Variants in GPATCH2 observed in about 807,000 individuals in gnomAD.
GPATCH2 encodes G patch domain-containing protein 2.
Under a neutral mutation model 58.0 loss-of-function variants are expected in GPATCH2, and 51 were observed. The ratio of observed to expected loss-of-function variants is 0.88; its 90% confidence interval spans 0.70 to 1.11. The LOEUF is 1.11. GPATCH2 is among the 50% of genes most tolerant of loss of function. The pLI is 0.00. For missense variants in GPATCH2, 625 were observed against 652.2 expected (o/e 0.96, Z 0.45); for synonymous variants, 222 against 218.5 (o/e 1.02, Z -0.14).
intron 9 of GPATCH2, among the ~76,000 whole-genome samples, chr1:217,433,394 T>A (rs1011116774): frequency 0.067 from 3,752 of 56,070 alleles, 106 homozygotes; most frequent in Middle Eastern, 0.2. Flanking sequence ...ATTTATTTAT[T>A]TATTTATTTA....
intron 5 of GPATCH2, among the ~76,000 whole-genome samples, chr1:217,532,027 T>C (rs1280828335): frequency 6.6e-6 from 1 of 152,192 alleles, no homozygotes; most frequent in Non-Finnish European, 1.5e-5. Context: ...ATACTGTCTA[T>C]CATAGTCAGT....
chr1:217,548,143 A>C lies in GPATCH2; in HGVS notation c.1099-33254T>G, dbSNP rs573329747. Among the ~76,000 whole-genome samples the C allele has an allele frequency of 2.8e-4, 42 of 152,302 alleles. No individual in the cohort carries two copies. The East Asian group carries it at 8.1e-3, about 29-fold the overall frequency. ...TTTATACCAGTGTGAAAACGGACTA[A>C]TACGCTAATATAGGAACAGAAAACC... On this transcript the variant is annotated intron_variant, in intron 5 of 9. Coordinates refer to ENST00000366935, the MANE Select transcript of GPATCH2 (RefSeq NM_018040.5).
At chr1:217,558,544 C>G (rs574803008) in intron 5 of GPATCH2, among the ~76,000 whole-genome samples, 28 of 152,280 alleles carry the variant, frequency 1.8e-4, no homozygotes, top group Non-Finnish European at 3.1e-4. Flanking sequence ...ATCCTGCCAG[C>G]CAATCCCTAT....
intron 5 of GPATCH2, among the ~76,000 whole-genome samples, chr1:217,532,491 T>C (rs965143109): frequency 6.6e-6 from 1 of 152,126 alleles, no homozygotes; most frequent in Non-Finnish European, 1.5e-5. Flanking sequence ...AGGAGATGTA[T>C]TGGTGAACAA....
At chr1:217,575,339 C>G (rs180800389) in intron 5 of GPATCH2, among the ~76,000 whole-genome samples, 71 of 152,204 alleles carry the variant, frequency 4.7e-4, no homozygotes, top group Admixed American at 1.9e-3. Flanking sequence ...GTTAAAAATC[C>G]TCTTAAGATT....
In GPATCH2 at chr1:217,429,587, G is replaced by C. The variant is rs1297524651; in HGVS notation, c.*1558C>G. The C allele has an allele frequency of 6.6e-6, 1 of 152,168 alleles. No individual in the cohort carries two copies. Among genetic ancestry groups the C allele is most frequent in the East Asian group, 1.9e-4 (1 of 5,176 alleles). 9.4% of individuals were successfully genotyped at this position (152,168 alleles called of 1,614,324 possible). A position where few individuals can be genotyped will look rare whatever the true frequency, so the allele number is the denominator to read the frequency against. ...TCATGCCTGTAATCCCAGCTCTTTG[G>C]GAGGCCAAGGTGGGCGGATCACTTG... On this transcript the variant is annotated 3_prime_UTR_variant, in exon 10 of 10. Coordinates refer to ENST00000366935, the MANE Select transcript of GPATCH2 (RefSeq NM_018040.5).
rs1056890626 is a variant in GPATCH2, at chr1:217,610,378, G to C, written c.1041C>G (p.Arg347=). The C allele has an allele frequency of 6.2e-7, 1 of 1,603,748 alleles. No homozygotes were observed. The highest frequency in any genetic ancestry group is 8.5e-7 in the Non-Finnish European group (1 of 1,171,520). ...TATTCTTTGAAGACATTCCATGAAG[G>C]CGACTGAGTCTAGCTTGGAAACCTG... ...SRRGFQARLS[R]LHGMSSKNIK... is the part of the protein sequence containing the mutation. Residue 347 remains arginine (R), a synonymous_variant, in exon 5 of 10, where the codon CGC becomes CGG. Coordinates refer to ENST00000366935, the MANE Select transcript of GPATCH2 (RefSeq NM_018040.5).
chr1:217,564,020 C>T (rs892107663), intron 5 of GPATCH2, among the ~76,000 whole-genome samples: 2 of 128,740 alleles, frequency 1.6e-5, no homozygotes, highest in Admixed American at 8.8e-5. Context: ...CTCCAGCCTG[C>T]GCAACAACAG....
Position 217,620,365 on chromosome 1 carries a change from T to C in GPATCH2, c.191A>G (p.Gln64Arg). 6.2e-7 allele frequency: 1 copy of C among 1,614,088 alleles called. No homozygotes were observed. Among genetic ancestry groups the C allele is most frequent in the Non-Finnish European group, 8.5e-7 (1 of 1,179,974 alleles). The change falls in exon 2 of 10, where the codon CAG becomes CGG. Residue 64 changes from glutamine to arginine, a missense_variant. By Grantham distance (43) the Gln-to-Arg change is conservative. Transcript: ENST00000366935. ...TTTTCTCCCTCTCCTTTTCCTTGCCTGGCGTTTCAGAGGGCAAGATATACT... is the reference window on the plus strand; with the variant it reads ...TTTTCTCCCTCTCCTTTTCCTTGCCCGGCGTTTCAGAGGGCAAGATATACT... ...SRSISCPLKRQARKRRGRKRR... is the reference protein window; with the variant it reads ...SRSISCPLKRRARKRRGRKRR...
chr1:217,583,862 T>C (rs968082139), intron 5 of GPATCH2, among the ~76,000 whole-genome samples: 5 of 152,124 alleles, frequency 3.3e-5, no homozygotes, highest in African/African-American at 1.2e-4. Context: ...TGCCAGAAGA[T>C]AGTACAAGAG....
chr1:217,453,215 A>C (rs1048675936), intron 8 of GPATCH2, among the ~76,000 whole-genome samples: 15 of 152,334 alleles, frequency 9.8e-5, no homozygotes, highest in Admixed American at 9.8e-4. Context: ...TTTCTTCTGC[A>C]GTGTTTTGAG....
chr1:217,616,232 T>TAAACTATGCACA (rs1668879956), intron 2 of GPATCH2, among the ~76,000 whole-genome samples: 1 of 152,130 alleles, frequency 6.6e-6, no homozygotes, highest in Non-Finnish European at 1.5e-5. Flanking sequence ...AAGTAGTTGA[T>TAAACTATGCACA]AAACTATGCA....
At chr1:217,588,950 G>A (rs988951684) in intron 5 of GPATCH2, among the ~76,000 whole-genome samples, 4 of 152,092 alleles carry the variant, frequency 2.6e-5, no homozygotes, top group Non-Finnish European at 5.9e-5. Flanking sequence ...ATCTGCTTAC[G>A]TGAACTAGGC....
chr1:217,625,188 C>A (rs908993160), intron 1 of GPATCH2, among the ~76,000 whole-genome samples: 1 of 152,102 alleles, frequency 6.6e-6, no homozygotes, highest in Admixed American at 6.6e-5. Context: ...TCCTTGGGTT[C>A]CTGATCTATT....
intron 8 of GPATCH2, among the ~76,000 whole-genome samples, chr1:217,484,493 C>G (rs1481607318): frequency 6.6e-6 from 1 of 150,568 alleles, no homozygotes; most frequent in Non-Finnish European, 1.5e-5. Flanking sequence ...GATCTTGGGA[C>G]TTCTCTGTCT....
rs149468769 is a variant in GPATCH2 at position 217,499,638 on chromosome 1, T to C, written c.1167-1243A>G. ...GGGAATGTACATTTATTGGTATTAG[T>C]AAATAACACCTGGATTAATTACCAA... On this transcript the variant is annotated intron_variant, in intron 6 of 9. Transcript: ENST00000366935. Among the ~76,000 whole-genome samples the C allele has an allele frequency of 2.8e-4, 43 of 152,234 alleles. No individual in the cohort carries two copies. In the East Asian group the frequency reaches 7.3e-3, roughly 26 times the overall value.
chr1:217,439,007 T>C (rs1658995645), intron 9 of GPATCH2, among the ~76,000 whole-genome samples: 1 of 152,186 alleles, frequency 6.6e-6, no homozygotes, highest in South Asian at 2.1e-4. Flanking sequence ...AACTCAGCTC[T>C]GGTCCAAGCA....
At chr1:217,507,220 G>A (rs1320980276) in intron 6 of GPATCH2, among the ~76,000 whole-genome samples, 1 of 152,154 alleles carries the variant, frequency 6.6e-6, no homozygotes, top group East Asian at 1.9e-4. Flanking sequence ...GAAGGTAAAA[G>A]AATGAGAACA....
intron 5 of GPATCH2, among the ~76,000 whole-genome samples, chr1:217,565,125 T>G (rs1334813050): frequency 2.0e-5 from 3 of 152,184 alleles, no homozygotes; most frequent in Non-Finnish European, 1.5e-5. Context: ...ATTTATTATT[T>G]GAGATTTTAG....
Sources: allele counts gnomAD v4.1 joint callset (sites outside exome capture counted in the v4.1 genomes callset), GRCh38; gene constraint gnomAD v4.1.1; transcripts MANE v1.5; gene names NCBI Gene and HGNC (gene_info 2026-07-23, HGNC 2026-07-21).